MSI2: variants seen among roughly 807,000 people sequenced by gnomAD.
MSI2 encodes RNA-binding protein Musashi homolog 2.
In MSI2, 17 loss-of-function variants were observed where a neutral mutation model predicts 45.6. The ratio of observed to expected loss-of-function variants is 0.37; its 90% CI spans 0.26 to 0.56. MSI2 has a LOEUF of 0.56. Ranked by LOEUF, MSI2 falls within the 20% of genes least tolerant of loss-of-function variation. The probability of loss-of-function intolerance (pLI) is 0.77; values close to 1 mark genes in which losing one functional copy is unlikely to be tolerated. For missense variants in MSI2, 293 were observed against 444.2 expected, an observed-to-expected ratio of 0.66 and a Z score of 3.06; for synonymous variants, 156 against 158.2, an observed-to-expected ratio of 0.99 and a Z score of 0.11.
intron 5 of MSI2, among the ~76,000 whole-genome samples, chr17:57,342,020 G>T (rs1381628193): frequency 6.6e-6 from 1 of 152,010 alleles, no homozygotes. Flanking sequence ...AGAGTAATTG[G>T]TGTTTAACCA....
At chr17:57,395,082 G>C (rs904910974) in intron 5 of MSI2, among the ~76,000 whole-genome samples, 1 of 152,114 alleles carries the variant, frequency 6.6e-6, no homozygotes, top group African/African-American at 2.4e-5. Flanking sequence ...CGCAATTCTT[G>C]GTGTTCCTTG....
chr17:57,369,559 C>G (rs1301691177), intron 5 of MSI2, among the ~76,000 whole-genome samples: 2 of 152,216 alleles, frequency 1.3e-5, no homozygotes, highest in Non-Finnish European at 2.9e-5. Context: ...GGGGCACACA[C>G]TTTCTCAGCT....
At chr17:57,272,224 TC>T (rs1456578686) in intron 5 of MSI2, among the ~76,000 whole-genome samples, 1 of 152,232 alleles carries the variant, frequency 6.6e-6, no homozygotes, top group Non-Finnish European at 1.5e-5. Flanking sequence ...TGTGGTGTTC[TC>T]CACCCTAAAG....
intron 7 of MSI2, among the ~76,000 whole-genome samples, chr17:57,555,179 C>T (rs1392263708): frequency 1.3e-5 from 2 of 152,214 alleles, no homozygotes; most frequent in African/African-American, 4.8e-5. Context: ...GCCCGGGCCC[C>T]ATCTCCCACA....
chr17:57,457,158 C>T (rs2085131452), intron 6 of MSI2, among the ~76,000 whole-genome samples: 1 of 152,216 alleles, frequency 6.6e-6, no homozygotes, highest in African/African-American at 2.4e-5. Flanking sequence ...TTAGAGAACA[C>T]TCTAATAACT....
chr17:57,515,570 C>T (rs61331455), intron 6 of MSI2, among the ~76,000 whole-genome samples: 3,820 of 152,154 alleles, frequency 0.025, 159 homozygotes, highest in African/African-American at 0.087. Context: ...ACTTATTGGA[C>T]GCTTATTTTT....
chr17:57,401,295 G>C, intron 5 of MSI2, 84 bp from the exon 6 acceptor site: 1 of 1,117,354 alleles, frequency 8.9e-7, no homozygotes, highest in Admixed American at 1.7e-5. Context: ...GAGAAATGTG[G>C]AGAGCAGATT....
intron 6 of MSI2, among the ~76,000 whole-genome samples, chr17:57,519,315 G>T (rs1310126640): frequency 6.6e-6 from 1 of 152,200 alleles, no homozygotes; most frequent in Admixed American, 6.5e-5. Context: ...AATTGAGCCA[G>T]TGTCTGTTAT....
intron 6 of MSI2, among the ~76,000 whole-genome samples, chr17:57,406,251 G>GA (rs910673940): frequency 6.6e-5 from 10 of 152,064 alleles, no homozygotes; most frequent in African/African-American, 1.9e-4. Flanking sequence ...CCCTGGCGAC[G>GA]AGGCGGCCTG....
chr17:57,614,139 C>CT (rs1907447674), intron 8 of MSI2, among the ~76,000 whole-genome samples: 1 of 152,138 alleles, frequency 6.6e-6, no homozygotes. Context: ...CACCCTCCAC[C>CT]TCCCGGGTTC....
rs531786942 is a variant in MSI2 at position 57,280,315 on chromosome 17, C to A, written c.312+18123C>A. On this transcript the variant is annotated intron_variant, in intron 5 of 13. Transcript: ENST00000284073. The surrounding 1 kb of genome is among the most constrained non-coding windows in gnomAD (Gnocchi z 4.2). ...TTGAAAATATCTCTCTGACAGTCTA[C>A]ACGAAAAGTGGCTTGTGGGTACCCC... Among the ~76,000 whole-genome samples the A allele has an allele frequency of 1.3e-5, 2 of 152,290 alleles. No individual in the cohort carries two copies. Among genetic ancestry groups the A allele is most frequent in the East Asian group, 3.9e-4 (2 of 5,180 alleles).
chr17:57,318,188 AGAAGGTGG>A (rs71139986), intron 5 of MSI2, among the ~76,000 whole-genome samples: 14,510 of 151,900 alleles, frequency 0.096, 827 homozygotes, highest in Non-Finnish European at 0.14. Flanking sequence ...TGAGAAGGTG[AGAAGGTGG>A]GAAGGTGGGA....
At chr17:57,583,164 A>G (rs1035150120) in intron 7 of MSI2, among the ~76,000 whole-genome samples, 1 of 152,118 alleles carries the variant, frequency 6.6e-6, no homozygotes, top group Admixed American at 6.5e-5. Flanking sequence ...TCTCCAATCC[A>G]TGTTTTCTTT....
chr17:57,524,374 C>T (rs2086655661), intron 6 of MSI2, among the ~76,000 whole-genome samples: 1 of 152,206 alleles, frequency 6.6e-6, no homozygotes, highest in Non-Finnish European at 1.5e-5. Context: ...CCACCATAGA[C>T]CTGTGTGAGT....
chr17:57,483,108 A>G (rs1340443609), intron 6 of MSI2, among the ~76,000 whole-genome samples: 1 of 152,166 alleles, frequency 6.6e-6, no homozygotes, highest in East Asian at 1.9e-4. Context: ...AGCCTAATAT[A>G]CTAATGATAA....
intron 10 of MSI2, chr17:57,631,713 T>A: frequency 8.0e-7 from 1 of 1,243,884 alleles, no homozygotes; most frequent in Middle Eastern, 1.9e-4. Flanking sequence ...GGATCTCCCC[T>A]GCTTCCTCTC....
intron 11 of MSI2, among the ~76,000 whole-genome samples, chr17:57,661,185 A>G (rs1203166464): frequency 6.6e-6 from 1 of 152,152 alleles, no homozygotes; most frequent in African/African-American, 2.4e-5. Flanking sequence ...GAATAAGTCC[A>G]TGGCATGGTC....
At chr17:57,476,465 C>T (rs1389347797) in intron 6 of MSI2, among the ~76,000 whole-genome samples, 1 of 152,202 alleles carries the variant, frequency 6.6e-6, no homozygotes, top group Admixed American at 6.5e-5. Flanking sequence ...CTTCTTGCTA[C>T]CTGTATTAGT....
At chr17:57,530,793 A>G (rs73312846) in intron 7 of MSI2, among the ~76,000 whole-genome samples, 2,282 of 152,230 alleles carry the variant, frequency 0.015, 57 homozygotes, top group African/African-American at 0.052. Context: ...GTGAAAGGCA[A>G]GAAGGAGTGG....
Sources: gnomAD v4.1 joint callset for allele counts (sites outside exome capture counted in the v4.1 genomes callset) on GRCh38, gnomAD v4.1.1 for gene constraint, Gnocchi (gnomAD v3.1) non-coding constraint, MANE v1.5 for transcripts, NCBI Gene and HGNC (gene_info 2026-07-23, HGNC 2026-07-21) for gene names.